The following KIRREL1 variants were observed in gnomAD, a reference collection of about 807,000 sequenced individuals.
KIRREL1 encodes the protein kin of IRRE-like protein 1.
KIRREL1 carries 25 observed loss-of-function variants against 83.3 expected under a neutral mutation model. The observed-to-expected ratio is 0.30, with a 90% confidence interval of 0.22 to 0.42. The LOEUF is 0.42. Ranked by LOEUF, KIRREL1 falls within the 10% of genes least tolerant of loss-of-function variation. The probability of loss-of-function intolerance (pLI) is 1.00; values close to 1 mark genes in which losing one functional copy is unlikely to be tolerated. For missense variants in KIRREL1, 812 were observed against 1,032.3 expected (o/e 0.79, Z 2.92); for synonymous variants, 388 against 410.4 (o/e 0.95, Z 0.66).
chr1:158,076,710 C>A (rs896451437), intron 2 of KIRREL1, among the ~76,000 whole-genome samples: 1 of 152,214 alleles, frequency 6.6e-6, no homozygotes, highest in African/African-American at 2.4e-5. Context: ...GCTGCCCAGG[C>A]GATGTCTGCT....
Position 158,082,303 on chromosome 1 carries a change from C to CT in KIRREL1, c.353-2117dup, listed in dbSNP as rs916879029. On this transcript the variant is annotated intron_variant, in intron 3 of 14. Transcript: ENST00000359209. The stretch of plus-strand genomic sequence containing the variant: ...GAGGCTCTAGTGAGTATGGTTATGT[C>CT]TTGGTTTCTTCTCTGATGAAGAAAC... Among the ~76,000 whole-genome samples the CT allele has an allele frequency of 3.3e-5, 5 of 152,004 alleles. No individual in the cohort carries two copies. The East Asian group carries it at 5.8e-4, about 18-fold the overall frequency.
At chr1:158,002,541 C>T (rs571222099) in intron 1 of KIRREL1, among the ~76,000 whole-genome samples, 1 of 152,288 alleles carries the variant, frequency 6.6e-6, no homozygotes, top group South Asian at 2.1e-4. Flanking sequence ...AACTTATGAG[C>T]ATTGTTTTTT....
chr1:158,046,539 G>T (rs1167978142), intron 1 of KIRREL1, among the ~76,000 whole-genome samples: 2 of 152,102 alleles, frequency 1.3e-5, no homozygotes, highest in Admixed American at 1.3e-4. Context: ...TGTGCAACTG[G>T]TTGAATTTAA....
At chr1:157,997,416 AG>A (rs1427886071) in intron 1 of KIRREL1, among the ~76,000 whole-genome samples, 1 of 151,958 alleles carries the variant, frequency 6.6e-6, no homozygotes, top group Non-Finnish European at 1.5e-5. Flanking sequence ...ATAGATAGAC[AG>A]GCAGTCAAGT....
chr1:158,061,061 C>G (rs1361150041), intron 1 of KIRREL1, among the ~76,000 whole-genome samples: 1 of 152,162 alleles, frequency 6.6e-6, no homozygotes, highest in Admixed American at 6.5e-5. Context: ...TCCTCTACCT[C>G]TTCCTTGTTC....
At chr1:158,092,343 G>GTC (rs1553244396) in intron 11 of KIRREL1, among the ~76,000 whole-genome samples, 1 of 108,352 alleles carries the variant, frequency 9.2e-6, no homozygotes. Context: ...CATCACTTCA[G>GTC]TCTTTTTTTT....
rs761500209 is a variant in KIRREL1, at chr1:158,094,304, G to C, written c.1720-9G>C. The C allele has an allele frequency of 1.0e-5, 16 of 1,599,042 alleles. No individual in the cohort carries two copies. In the East Asian group the frequency reaches 3.6e-4, roughly 36 times the overall value. Reference sequence around the variant, plus strand: ...CGTCTGCTGACGTCCCACTCCTGCTGCTCCACAGTCGTTTAAGGATGATGT... The same window carrying C: ...CGTCTGCTGACGTCCCACTCCTGCTCCTCCACAGTCGTTTAAGGATGATGT... On this transcript the variant is annotated splice_polypyrimidine_tract_variant and intron_variant, in intron 13 of 14. Coordinates refer to ENST00000359209, the MANE Select transcript of KIRREL1 (RefSeq NM_018240.7). This position sits in a 1 kb window ranked among gnomAD's most constrained non-coding sequence, Gnocchi z 4.6.
chr1:158,073,018 C>T (rs1661562741), intron 1 of KIRREL1, among the ~76,000 whole-genome samples: 1 of 152,132 alleles, frequency 6.6e-6, no homozygotes. Flanking sequence ...GAGAACAGGA[C>T]TTGGTGAAGG....
intron 1 of KIRREL1, among the ~76,000 whole-genome samples, chr1:158,066,527 C>T (rs1463067751): frequency 6.6e-6 from 1 of 152,216 alleles, no homozygotes; most frequent in Non-Finnish European, 1.5e-5. Context: ...CACATTGAGG[C>T]ATCTCCTTCA....
chr1:158,088,791 G>C (rs12739259), intron 8 of KIRREL1, among the ~76,000 whole-genome samples: 24,826 of 152,182 alleles, frequency 0.16, 2,281 homozygotes, highest in African/African-American at 0.26. Context: ...GCCTTACTGC[G>C]TGTTCTGAAT....
At chr1:158,004,954 A>T (rs534601774) in intron 1 of KIRREL1, among the ~76,000 whole-genome samples, 8 of 152,160 alleles carry the variant, frequency 5.3e-5, no homozygotes, top group Non-Finnish European at 1.2e-4. Context: ...AAAAATAAAT[A>T]AATTAATTTT....
intron 1 of KIRREL1, among the ~76,000 whole-genome samples, chr1:158,012,352 C>G (rs1659711876): frequency 1.3e-5 from 2 of 152,200 alleles, no homozygotes; most frequent in African/African-American, 4.8e-5. Flanking sequence ...ATTCAAGGAC[C>G]TGTCACCTCC....
At chr1:158,029,371 GTGCGCGCGCATGCA>G (rs1557995093) in intron 1 of KIRREL1, among the ~76,000 whole-genome samples, 399 of 149,586 alleles carry the variant, frequency 2.7e-3, no homozygotes, top group African/African-American at 9.3e-3. Flanking sequence ...GTGTGTGCAC[GTGCGCGCGCATGCA>G]CACATGCATG....
Position 157,993,648 on chromosome 1 carries a change from C to CGCGGGCGGGCGCACG in KIRREL1, c.-20_-6dup. ...TCGCTCGCCAACTCCGGGCCCCAGC[C>CGCGGGCGGGCGCACG]GCGGGCGGGCGCACGGCGGGCGGAC... is the stretch of plus-strand genomic sequence containing the variant. On this transcript the variant is annotated 5_prime_UTR_variant, in exon 1 of 15. Coordinates refer to ENST00000359209, the MANE Select transcript of KIRREL1 (RefSeq NM_018240.7). 2 of 1,467,492 alleles carry CGCGGGCGGGCGCACG rather than the reference C, an allele frequency of 1.4e-6. No homozygotes were observed. The highest frequency in any genetic ancestry group is 1.8e-6 in the Non-Finnish European group (2 of 1,105,382). 90.9% of individuals were successfully genotyped at this position (1,467,492 alleles called of 1,614,324 possible).
rs1234745028 is a variant in KIRREL1, at chr1:158,096,628, C to A, written c.*1508C>A. On this transcript the variant is annotated 3_prime_UTR_variant, in exon 15 of 15. Coordinates refer to ENST00000359209, the MANE Select transcript of KIRREL1 (RefSeq NM_018240.7). ...GTGCGGAAGGGCACCGCAGGCATTA[C>A]ACAGGCCATTTCTCCTCCTCCATGT... is the stretch of plus-strand genomic sequence containing the variant. 2.2e-6 allele frequency: 1 copy of A among 456,850 alleles called. No homozygotes were observed. Among genetic ancestry groups the A allele is most frequent in the African/African-American group, 2.0e-5 (1 of 50,186 alleles). The allele number at this position is 456,850 out of a possible 1,614,324, so 28.3% of individuals were successfully genotyped here.
At chr1:158,015,007 G>T (rs1047984429) in intron 1 of KIRREL1, among the ~76,000 whole-genome samples, 1 of 152,250 alleles carries the variant, frequency 6.6e-6, no homozygotes, top group South Asian at 2.1e-4. Context: ...CCTCAGGATG[G>T]CCACAAGCTA....
At chr1:158,089,944 T>C (rs1020483916) in intron 10 of KIRREL1, 126 bp downstream of exon 10, 58 of 772,138 alleles carry the variant, frequency 7.5e-5, no homozygotes, top group Non-Finnish European at 1.2e-4. Flanking sequence ...TCGAATCTTC[T>C]GCTTTCTGTC....
intron 4 of KIRREL1, 130 bp downstream of exon 4, chr1:158,084,709 A>G (rs11264908): frequency 0.13 from 124,951 of 931,222 alleles, 11,545 homozygotes; most frequent in African/African-American, 0.43. Flanking sequence ...ATCTGGTTCA[A>G]CCCTCTCATT....
chr1:157,999,215 T>G (rs1659289268), intron 1 of KIRREL1, among the ~76,000 whole-genome samples: 1 of 152,168 alleles, frequency 6.6e-6, no homozygotes, highest in Non-Finnish European at 1.5e-5. Context: ...GATGATCATT[T>G]GTGAAGCAAA....
Sources: allele counts gnomAD v4.1 joint callset (sites outside exome capture counted in the v4.1 genomes callset), GRCh38; gene constraint gnomAD v4.1.1; non-coding constraint Gnocchi (gnomAD v3.1); transcripts MANE v1.5; gene names NCBI Gene and HGNC (gene_info 2026-07-23, HGNC 2026-07-21).